Variants in DSCAML1 observed in about 807,000 individuals in gnomAD.
The protein encoded by DSCAML1 is DS cell adhesion molecule like 1.
A neutral mutation model predicts 200.5 loss-of-function variants in DSCAML1; 38 were observed. The observed-to-expected ratio is 0.19, with a 90% CI of 0.15 to 0.25. The LOEUF (loss-of-function observed/expected upper bound fraction) is 0.25. Ranked by LOEUF, DSCAML1 falls within the 10% of genes least tolerant of loss-of-function variation. DSCAML1 has a pLI of 1.00. For synonymous variants in DSCAML1, 1,215 were observed against 1,165.0 expected (o/e 1.04, Z -0.87); for missense variants, 2,223 against 2,858.8 (o/e 0.78, Z 5.07).
chr11:117,610,848 C>CT (rs978191970), intron 3 of DSCAML1, among the ~76,000 whole-genome samples: 2 of 148,952 alleles, frequency 1.3e-5, no homozygotes, highest in African/African-American at 4.9e-5. Context: ...CAACCCCCCC[C>CT]CCCCACAATG....
chr11:117,542,561 AG>A (rs1010396280), intron 3 of DSCAML1, among the ~76,000 whole-genome samples: 3 of 152,192 alleles, frequency 2.0e-5, no homozygotes, highest in African/African-American at 7.2e-5. Flanking sequence ...CAACTCTTTT[AG>A]GTACCTCTCT....
At chr11:117,709,297 C>T (rs1565887109) in intron 3 of DSCAML1, among the ~76,000 whole-genome samples, 1 of 152,186 alleles carries the variant, frequency 6.6e-6, no homozygotes, top group Non-Finnish European at 1.5e-5. Flanking sequence ...GGTCAAGGTG[C>T]CAATGGGGTC....
intron 3 of DSCAML1, among the ~76,000 whole-genome samples, chr11:117,774,604 A>G (rs1402606296): frequency 6.6e-6 from 1 of 152,162 alleles, no homozygotes; most frequent in Non-Finnish European, 1.5e-5. Context: ...ACCACACTGC[A>G]CTTGGTTCCA....
intron 5 of DSCAML1, among the ~76,000 whole-genome samples, chr11:117,522,935 G>A (rs1330783367): frequency 6.6e-6 from 1 of 152,184 alleles, no homozygotes; most frequent in Non-Finnish European, 1.5e-5. Flanking sequence ...CTGTGGGGAG[G>A]GGTAGGGGGC....
At chr11:117,774,962 A>AC (rs1272732636) in intron 3 of DSCAML1, among the ~76,000 whole-genome samples, 1 of 151,920 alleles carries the variant, frequency 6.6e-6, no homozygotes, top group East Asian at 1.9e-4. Context: ...TATAGTAAGC[A>AC]CCCCCCAAAT....
intron 11 of DSCAML1, among the ~76,000 whole-genome samples, chr11:117,500,913 G>A (rs1242086423): frequency 6.6e-6 from 1 of 152,162 alleles, no homozygotes; most frequent in Non-Finnish European, 1.5e-5. Context: ...GTTCTGGAAA[G>A]GTAAAGTTAT....
chr11:117,725,649 C>T (rs373381785), intron 3 of DSCAML1, among the ~76,000 whole-genome samples: 2 of 141,012 alleles, frequency 1.4e-5, no homozygotes, highest in South Asian at 5.0e-4. Context: ...CTCTTGCTGC[C>T]TTACTGGCAG....
chr11:117,646,894 C>T (rs1160566261), intron 3 of DSCAML1, among the ~76,000 whole-genome samples: 1 of 151,676 alleles, frequency 6.6e-6, no homozygotes, highest in African/African-American at 2.4e-5. Flanking sequence ...CATGGAGGAA[C>T]CAAAGGAATT....
rs2055224765 is a variant in DSCAML1 at position 117,780,290 on chromosome 11, AAGAAAGAAAGAAAGAG to A, written c.364+187_364+202del. 2.0e-5 allele frequency among the ~76,000 whole-genome samples: 2 copies of A among 100,128 alleles called. No individual in the cohort carries two copies. Among genetic ancestry groups the A allele is most frequent in the Admixed American group, 9.5e-5 (1 of 10,486 alleles). 65.7% of individuals were successfully genotyped at this position (100,128 alleles called of 152,430 possible). A position where few individuals can be genotyped will look rare whatever the true frequency, so the allele number is the denominator to read the frequency against. On this transcript the variant is annotated intron_variant, in intron 2 of 32. Coordinates refer to ENST00000651296, the MANE Select transcript of DSCAML1 (RefSeq NM_020693.4). The surrounding 1 kb of genome is among the most constrained non-coding windows in gnomAD (Gnocchi z 4.8). Reference sequence around the variant, plus strand: ...AAAGAAAGAAAGAAAGAAAGAAAGAAAGAAAGAAAGAAAGAGAGAAAGGAGAAAGAAAGGTGTCTCT... The same window carrying A: ...AAAGAAAGAAAGAAAGAAAGAAAGAAAGAAAGGAGAAAGAAAGGTGTCTCT...
At chr11:117,624,610 G>C (rs1565833709) in intron 3 of DSCAML1, among the ~76,000 whole-genome samples, 2 of 152,028 alleles carry the variant, frequency 1.3e-5, no homozygotes, top group Non-Finnish European at 2.9e-5. Context: ...CCCCAGATGA[G>C]AGCCTGGAAG....
intron 3 of DSCAML1, among the ~76,000 whole-genome samples, chr11:117,580,553 C>T (rs1218814526): frequency 2.1e-5 from 3 of 144,160 alleles, no homozygotes; most frequent in Non-Finnish European, 4.6e-5. Context: ...CTTTGTGATG[C>T]CTTGCACCCA....
chr11:117,517,902 C>T (rs922830333), intron 7 of DSCAML1, among the ~76,000 whole-genome samples: 4 of 152,224 alleles, frequency 2.6e-5, no homozygotes, highest in African/African-American at 9.6e-5. Flanking sequence ...GACACCCCCA[C>T]CCAGCCTCAG....
At chr11:117,675,071 C>T (rs941211574) in intron 3 of DSCAML1, among the ~76,000 whole-genome samples, 1 of 152,128 alleles carries the variant, frequency 6.6e-6, no homozygotes, top group African/African-American at 2.4e-5. Flanking sequence ...CAAGTTATCG[C>T]CCATTCTGTT....
intron 3 of DSCAML1, among the ~76,000 whole-genome samples, chr11:117,703,212 A>C (rs1469762913): frequency 6.6e-6 from 1 of 152,188 alleles, no homozygotes; most frequent in South Asian, 2.1e-4. Flanking sequence ...TATTGCTCGG[A>C]GCTCCAGTCT....
chr11:117,460,657 G>C (rs184015551), intron 18 of DSCAML1, among the ~76,000 whole-genome samples: 1 of 152,116 alleles, frequency 6.6e-6, no homozygotes, highest in Non-Finnish European at 1.5e-5. Flanking sequence ...GTGTGCCTGC[G>C]GGAAGCTACT....
At chr11:117,744,777 G>A (rs1239789344) in intron 3 of DSCAML1, among the ~76,000 whole-genome samples, 1 of 152,214 alleles carries the variant, frequency 6.6e-6, no homozygotes, top group Non-Finnish European at 1.5e-5. Flanking sequence ...TTCTAGACCT[G>A]GAGACCCACG....
Position 117,439,365 on chromosome 11 carries a change from G to A in DSCAML1, c.4045C>T (p.Leu1349=). The A allele has an allele frequency of 6.2e-7, 1 of 1,614,020 alleles. No homozygotes were observed. The highest frequency in any genetic ancestry group is 1.1e-5 in the South Asian group (1 of 91,084). The change falls in exon 23 of 33, where the codon CTG becomes TTG. Residue 1349 remains leucine, a synonymous_variant. Coordinates refer to ENST00000651296, the MANE Select transcript of DSCAML1 (RefSeq NM_020693.4). ...HRLIHTNGTL[L]LRAVKAEDSG... is the part of the protein sequence containing the mutation. ...TCCTCAGCCTTCACTGCACGCAGCA[G>A]CAGTGTGCCATTGGTGTGGATGAGC...
At chr11:117,459,096 C>T (rs1005604328) in intron 18 of DSCAML1, among the ~76,000 whole-genome samples, 187 bp from the exon 19 acceptor site, 3 of 152,222 alleles carry the variant, frequency 2.0e-5, no homozygotes, top group Admixed American at 6.5e-5. Flanking sequence ...GCCCCCAGGC[C>T]ACGTCTCTCT....
At chr11:117,810,351 AC>A (rs1396712151) in intron 1 of DSCAML1, among the ~76,000 whole-genome samples, 2 of 150,348 alleles carry the variant, frequency 1.3e-5, no homozygotes, top group Non-Finnish European at 3.0e-5. Context: ...GGGGGCAAGA[AC>A]CCCCAATCCC....
Sources: gnomAD v4.1 joint callset for allele counts (sites outside exome capture counted in the v4.1 genomes callset) on GRCh38, gnomAD v4.1.1 for gene constraint, Gnocchi (gnomAD v3.1) non-coding constraint, MANE v1.5 for transcripts, NCBI Gene and HGNC (gene_info 2026-07-23, HGNC 2026-07-21) for gene names.